Variants in ZBTB20 observed in about 807,000 individuals in gnomAD.
The protein encoded by ZBTB20 is zinc finger and BTB domain-containing protein 20.
Under a neutral mutation model 56.9 loss-of-function variants are expected in ZBTB20, and 9 were observed. That is an observed-to-expected ratio of 0.16 (90% CI 0.10 to 0.28). The LOEUF (loss-of-function observed/expected upper bound fraction) is 0.28, where lower values mean the gene tolerates loss of function less well. Among genes scored for constraint, ZBTB20 ranks in the 10% least tolerant of loss-of-function variants. The probability of loss-of-function intolerance (pLI) is 1.00; values close to 1 mark genes in which losing one functional copy is unlikely to be tolerated. For synonymous variants in ZBTB20, 417 were observed against 420.7 expected (o/e 0.99, Z 0.11); for missense variants, 655 against 1,003.0 (o/e 0.65, Z 4.69).
At chr3:114,803,517 T>C (rs984720684) in intron 4 of ZBTB20, among the ~76,000 whole-genome samples, 2 of 151,882 alleles carry the variant, frequency 1.3e-5, no homozygotes, top group African/African-American at 2.4e-5. Context: ...CAACTCACTG[T>C]TGGCGACTAC....
In ZBTB20 at chr3:114,890,434, A is replaced by T. The variant is rs571770138; in HGVS notation, c.-417+9870T>A. 6.6e-5 allele frequency among the ~76,000 whole-genome samples: 10 copies of T among 152,308 alleles called. No homozygotes were observed. In the South Asian group the frequency reaches 1.7e-3, roughly 25 times the overall value. On this transcript the variant is annotated intron_variant, in intron 4 of 11. Coordinates refer to ENST00000675478, the MANE Select transcript of ZBTB20 (RefSeq NM_001348800.3). ...ACATGGGAGATCTAACTCGGATAGG[A>T]TGGTCTGAGTAGCGTAGGGACATGG... is the stretch of plus-strand genomic sequence containing the variant.
chr3:114,425,858 A>G (rs2108851887), intron 7 of ZBTB20, among the ~76,000 whole-genome samples: 1 of 152,352 alleles, frequency 6.6e-6, no homozygotes, highest in South Asian at 2.1e-4. Context: ...AATTCTGTGT[A>G]ACCACAGTCT....
At chr3:115,020,951 G>A (rs551167603) in intron 2 of ZBTB20, among the ~76,000 whole-genome samples, 3 of 150,880 alleles carry the variant, frequency 2.0e-5, no homozygotes, top group African/African-American at 7.3e-5. Context: ...TTGTACGATC[G>A]AATGTCCTAC....
At chr3:114,875,292 C>T (rs6773474) in intron 4 of ZBTB20, among the ~76,000 whole-genome samples, 114,467 of 152,102 alleles carry the variant, frequency 0.75, 47,405 homozygotes, top group East Asian at 0.99. Context: ...GCTGTTAGTC[C>T]CACAGCCCTT....
At chr3:114,997,143 TG>T (rs940744832) in intron 2 of ZBTB20, among the ~76,000 whole-genome samples, 1 of 151,834 alleles carries the variant, frequency 6.6e-6, no homozygotes, top group African/African-American at 2.4e-5. Flanking sequence ...AGGTTTAACT[TG>T]GAAAACAGAA....
intron 2 of ZBTB20, among the ~76,000 whole-genome samples, chr3:115,050,388 A>AAATAT (rs1461446342): frequency 6.6e-6 from 1 of 151,886 alleles, no homozygotes; most frequent in East Asian, 1.9e-4. Flanking sequence ...TTTTATGATA[A>AAATAT]AATATAAAAT....
intron 2 of ZBTB20, among the ~76,000 whole-genome samples, chr3:115,052,067 C>T (rs112204698): frequency 0.016 from 2,463 of 152,226 alleles, 29 homozygotes; most frequent in Non-Finnish European, 0.022. Context: ...TAAAATACAA[C>T]ATGAGATTTG....
intron 7 of ZBTB20, among the ~76,000 whole-genome samples, chr3:114,486,414 T>C (rs972062977): frequency 2.0e-5 from 3 of 152,136 alleles, no homozygotes; most frequent in South Asian, 2.1e-4. Flanking sequence ...AGTGCATGCT[T>C]ACTGAGGAAG....
At chr3:114,584,134 T>C (rs568242875) in intron 6 of ZBTB20, among the ~76,000 whole-genome samples, 1 of 152,198 alleles carries the variant, frequency 6.6e-6, no homozygotes, top group South Asian at 2.1e-4. Context: ...TTACAATAAA[T>C]AGACAAATAA....
chr3:114,847,247 A>G (rs1038992767), intron 4 of ZBTB20, among the ~76,000 whole-genome samples: 1 of 151,586 alleles, frequency 6.6e-6, no homozygotes, highest in Non-Finnish European at 1.5e-5. Flanking sequence ...TACCGTCATT[A>G]CTTCAGATTT....
At chr3:114,995,583 T>TA (rs1293593728) in intron 2 of ZBTB20, among the ~76,000 whole-genome samples, 3 of 151,868 alleles carry the variant, frequency 2.0e-5, no homozygotes, top group Non-Finnish European at 2.9e-5. Flanking sequence ...TTTTATTTAG[T>TA]AACTTTGAAA....
At chr3:114,683,538 A>G (rs1392654951) in intron 6 of ZBTB20, among the ~76,000 whole-genome samples, 1 of 151,140 alleles carries the variant, frequency 6.6e-6, no homozygotes, top group Non-Finnish European at 1.5e-5. Context: ...GTAAGATAAT[A>G]ATAAGGATTG....
intron 6 of ZBTB20, among the ~76,000 whole-genome samples, chr3:114,640,797 T>C (rs1038251976): frequency 6.6e-6 from 1 of 152,098 alleles, no homozygotes; most frequent in Non-Finnish European, 1.5e-5. Context: ...ATTAATTTAA[T>C]CTCAGAGCTT....
At position 114,365,956 on chromosome 3, in the gene ZBTB20, C is replaced by T. The variant is rs2082354652; in HGVS notation, c.200-14078G>A. Among the ~76,000 whole-genome samples the T allele has an allele frequency of 5.3e-5, 8 of 152,242 alleles. No individual in the cohort carries two copies. In the South Asian group the frequency reaches 1.7e-3, roughly 32 times the overall value. On this transcript the variant is annotated intron_variant, in intron 10 of 11. Coordinates refer to ENST00000675478, the MANE Select transcript of ZBTB20 (RefSeq NM_001348800.3). ...AAAATAATCGGGTAAAAAATTAGTA[C>T]CTATATTTTCACAAATGGGCATAAT...
chr3:114,748,318 CTTTCT>C (rs1189427494), intron 5 of ZBTB20, among the ~76,000 whole-genome samples: 1 of 123,526 alleles, frequency 8.1e-6, no homozygotes, highest in Non-Finnish European at 1.7e-5. Context: ...TTCTTTCTTT[CTTTCT>C]TTCTTTCTTT....
intron 3 of ZBTB20, among the ~76,000 whole-genome samples, chr3:114,936,405 G>T (rs7629138): frequency 0.092 from 13,949 of 152,098 alleles, 1,881 homozygotes; most frequent in African/African-American, 0.3. Flanking sequence ...ATACCATCCA[G>T]GGTTTTAGTT....
chr3:114,689,524 G>T (rs929911643), intron 6 of ZBTB20, among the ~76,000 whole-genome samples: 1 of 152,108 alleles, frequency 6.6e-6, no homozygotes, highest in African/African-American at 2.4e-5. Context: ...GGTCACAAAT[G>T]TAACAACAAC....
intron 4 of ZBTB20, among the ~76,000 whole-genome samples, chr3:114,803,450 C>T (rs1032442527): frequency 4.0e-5 from 6 of 151,766 alleles, no homozygotes; most frequent in East Asian, 1.9e-4. Context: ...CTCAGGCAAA[C>T]GGCTGGGCAA....
intron 1 of ZBTB20, among the ~76,000 whole-genome samples, chr3:115,136,706 G>A (rs370667566): frequency 4.6e-5 from 7 of 152,100 alleles, no homozygotes; most frequent in African/African-American, 9.6e-5. Flanking sequence ...TTGGTAATTC[G>A]CTTAACAACA....
Sources: allele counts gnomAD v4.1 joint callset (sites outside exome capture counted in the v4.1 genomes callset), GRCh38; gene constraint gnomAD v4.1.1; transcripts MANE v1.5; gene names NCBI Gene and HGNC (gene_info 2026-07-23, HGNC 2026-07-21).